Variants in GPD1L observed in about 807,000 individuals in gnomAD.
GPD1L encodes the protein glycerol-3-phosphate dehydrogenase 1 like, also known as glycerol-3-phosphate dehydrogenase 1-like protein.
In GPD1L, 17 loss-of-function variants were observed where a neutral mutation model predicts 32.9. That is an observed-to-expected ratio of 0.52 (90% CI 0.35 to 0.78). The LOEUF (loss-of-function observed/expected upper bound fraction) is 0.78, where lower values mean the gene tolerates loss of function less well. GPD1L is among the 30% of genes least tolerant of loss of function. GPD1L has a pLI of 0.01. For synonymous variants in GPD1L, 187 were observed against 165.9 expected (o/e 1.13, Z -0.98); for missense variants, 361 against 447.8 (o/e 0.81, Z 1.75).
At chr3:32,157,814 A>G (rs1235525265) in intron 5 of GPD1L, among the ~76,000 whole-genome samples, 1 of 152,222 alleles carries the variant, frequency 6.6e-6, no homozygotes, top group Non-Finnish European at 1.5e-5. Flanking sequence ...CATTATTTAC[A>G]AAACAGGCAG....
chr3:32,130,435 T>A (rs1269649546), intron 2 of GPD1L, among the ~76,000 whole-genome samples: 2 of 152,144 alleles, frequency 1.3e-5, no homozygotes, highest in East Asian at 3.9e-4. Flanking sequence ...TGCATTTCCG[T>A]CAACACAAGC....
Position 32,166,087 on chromosome 3 carries a change from G to C in GPD1L, c.*177G>C, listed in dbSNP as rs769356823. 1 of 652,382 alleles carries C rather than the reference G, an allele frequency of 1.5e-6. No individual in the cohort carries two copies. Among genetic ancestry groups the C allele is most frequent in the African/African-American group, 1.8e-5 (1 of 55,980 alleles). 40.4% of individuals were successfully genotyped at this position (652,382 alleles called of 1,614,324 possible). On this transcript the variant is annotated 3_prime_UTR_variant, in exon 8 of 8. Coordinates refer to ENST00000282541, the MANE Select transcript of GPD1L (RefSeq NM_015141.4). The stretch of plus-strand genomic sequence containing the variant: ...GGCAGTTCATTAGCAAAGATGTACT[G>C]GGCAGTAACTAAACACACATGCAAA...
At chr3:32,136,074 C>G (rs1227736572) in intron 2 of GPD1L, among the ~76,000 whole-genome samples, 1 of 152,140 alleles carries the variant, frequency 6.6e-6, no homozygotes, top group Non-Finnish European at 1.5e-5. Context: ...AACTAAAGAT[C>G]CAGGCAGTGC....
intron 5 of GPD1L, 109 bp from the exon 6 acceptor site, chr3:32,158,767 G>C (rs935075011): frequency 1.3e-6 from 2 of 1,542,900 alleles, no homozygotes; most frequent in African/African-American, 1.4e-5. Context: ...TTTGAAGATG[G>C]AGCCAATGTC....
In GPD1L at chr3:32,120,272, C is replaced by T. The variant is rs142902760; in HGVS notation, c.48-7804C>T. ...GACGGAGGTTGCAGTGAGTCAAGATCGCACCACTGTACTCCAGCCTGGCGA... is the reference window on the plus strand; with the variant it reads ...GACGGAGGTTGCAGTGAGTCAAGATTGCACCACTGTACTCCAGCCTGGCGA... On this transcript the variant is annotated intron_variant, in intron 1 of 7. Coordinates refer to ENST00000282541, the MANE Select transcript of GPD1L (RefSeq NM_015141.4). Among the ~76,000 whole-genome samples, 184 of 152,018 alleles carry T rather than the reference C, an allele frequency of 1.2e-3. 1 individual carries two copies. The highest frequency in any genetic ancestry group is 3.8e-3 in the African/African-American group (159 of 41,450).
At chr3:32,110,620 G>A (rs562100810) in intron 1 of GPD1L, among the ~76,000 whole-genome samples, 9 of 152,346 alleles carry the variant, frequency 5.9e-5, no homozygotes, top group Admixed American at 1.3e-4. Flanking sequence ...GAAAGTAGAC[G>A]TGTTGTATAA....
intron 7 of GPD1L, among the ~76,000 whole-genome samples, chr3:32,161,159 TG>T (rs1246952702): frequency 1.3e-5 from 2 of 152,266 alleles, no homozygotes; most frequent in Non-Finnish European, 2.9e-5. Context: ...TACCTCCCCC[TG>T]CACCCAGCAC....
intron 5 of GPD1L, chr3:32,151,190 C>CCTTT: frequency 1.7e-6 from 1 of 595,612 alleles, no homozygotes; most frequent in South Asian, 1.5e-5. Flanking sequence ...TCAGTCTAAT[C>CCTTT]CAGGTACCTT....
chr3:32,116,814 C>T (rs994450615), intron 1 of GPD1L, among the ~76,000 whole-genome samples: 8 of 152,192 alleles, frequency 5.3e-5, no homozygotes, highest in African/African-American at 1.7e-4. Context: ...AGGACTATCC[C>T]GGTTAACCCC....
chr3:32,154,604 C>G (rs1225139983), intron 5 of GPD1L, among the ~76,000 whole-genome samples: 2 of 152,180 alleles, frequency 1.3e-5, no homozygotes, highest in Admixed American at 6.5e-5. Flanking sequence ...ACTCTGTGTG[C>G]TTCAGTTTCC....
chr3:32,159,430 A>T (rs1701044789), intron 6 of GPD1L, 138 bp from the exon 7 acceptor site: 22 of 681,854 alleles, frequency 3.2e-5, no homozygotes, highest in Middle Eastern at 4.1e-4. Context: ...CGCAAGTTCG[A>T]GGCCAGCCTG....
intron 4 of GPD1L, among the ~76,000 whole-genome samples, chr3:32,143,197 T>TAA (rs34411149): frequency 6.1e-4 from 90 of 146,364 alleles, no homozygotes; most frequent in African/African-American, 2.0e-3. Flanking sequence ...CCTGTCTCTT[T>TAA]AAAAAAAAAA....
intron 5 of GPD1L, among the ~76,000 whole-genome samples, chr3:32,148,891 TG>T (rs1260254154): frequency 6.6e-6 from 1 of 152,050 alleles, no homozygotes; most frequent in Non-Finnish European, 1.5e-5. Context: ...AACAGAAAGG[TG>T]TAAAGAAGGA....
At chr3:32,146,433 A>G (rs1057476544) in intron 4 of GPD1L, among the ~76,000 whole-genome samples, 189 bp from the exon 5 acceptor site, 1 of 152,160 alleles carries the variant, frequency 6.6e-6, no homozygotes, top group Non-Finnish European at 1.5e-5. Context: ...TGTATGTCAA[A>G]TTGTAAATGA....
chr3:32,162,386 T>TA lies in GPD1L; in HGVS notation c.959+2712_959+2713insA, dbSNP rs2125499752. ...CTCATTTTACCTTAATTACCTTTTC[T>TA]TTTTTTTTTTGAGACGGAGTCTCGC... On this transcript the variant is annotated intron_variant, in intron 7 of 7. Transcript: ENST00000282541. Among the ~76,000 whole-genome samples the TA allele has an allele frequency of 5.2e-5, 2 of 38,144 alleles. 1 individual carries two copies. Among genetic ancestry groups the TA allele is most frequent in the African/African-American group, 4.8e-4 (2 of 4,128 alleles). The allele number at this position is 38,144 out of a possible 152,430, so 25.0% of individuals were successfully genotyped here. A position where few individuals can be genotyped will look rare whatever the true frequency, so the allele number is the denominator to read the frequency against.
intron 2 of GPD1L, among the ~76,000 whole-genome samples, chr3:32,135,784 G>A (rs1378339046): frequency 6.6e-6 from 1 of 152,178 alleles, no homozygotes; most frequent in Non-Finnish European, 1.5e-5. Context: ...AATAGAATCA[G>A]AAAATGCTTT....
At chr3:32,152,264 A>G (rs1385066425) in intron 5 of GPD1L, among the ~76,000 whole-genome samples, 2 of 152,274 alleles carry the variant, frequency 1.3e-5, no homozygotes, top group Non-Finnish European at 2.9e-5. Flanking sequence ...TTTCTTTCTT[A>G]TGTAAAATCC....
chr3:32,119,416 T>C (rs904136638), intron 1 of GPD1L, among the ~76,000 whole-genome samples: 1 of 152,230 alleles, frequency 6.6e-6, no homozygotes, highest in African/African-American at 2.4e-5. Context: ...ATAAGCATTT[T>C]CCCCTACAGT....
intron 1 of GPD1L, among the ~76,000 whole-genome samples, chr3:32,109,346 G>C (rs574023123): frequency 6.6e-6 from 1 of 152,196 alleles, no homozygotes; most frequent in Non-Finnish European, 1.5e-5. Context: ...TGCTGGAACT[G>C]GGCCTGGAGC....
Sources: gnomAD v4.1 joint callset for allele counts (sites outside exome capture counted in the v4.1 genomes callset) on GRCh38, gnomAD v4.1.1 for gene constraint, MANE v1.5 for transcripts, NCBI Gene and HGNC (gene_info 2026-07-23, HGNC 2026-07-21) for gene names.